The following SELENBP1 variants were observed in gnomAD, a reference collection of about 807,000 sequenced individuals.
SELENBP1 encodes selenium binding protein 1.
In SELENBP1, 71 loss-of-function variants were observed where a neutral mutation model predicts 61.0. The ratio of observed to expected loss-of-function variants is 1.16; its 90% CI spans 0.96 to 1.42. The LOEUF is 1.42. SELENBP1 is among the 40% of genes most tolerant of loss of function. The pLI is 0.00. For missense variants in SELENBP1, 561 were observed against 605.0 expected, an observed-to-expected ratio of 0.93 and a Z score of 0.76; for synonymous variants, 270 against 238.9, an observed-to-expected ratio of 1.13 and a Z score of -1.20.
At chr1:151,369,829 G>T in intron 1 of SELENBP1, 60 bp from the exon 2 acceptor site, 1 of 1,551,638 alleles carries the variant, frequency 6.4e-7, no homozygotes. Context: ...GGCTCCCTCC[G>T]CACGTTCTGC....
chr1:151,371,016 A>G (rs569921341), intron 1 of SELENBP1, among the ~76,000 whole-genome samples: 12 of 152,226 alleles, frequency 7.9e-5, no homozygotes, highest in Non-Finnish European at 1.6e-4. Context: ...AAAGTGGGCA[A>G]TAATGATATT....
chr1:151,368,783 CT>C (rs1651982854), intron 4 of SELENBP1, among the ~76,000 whole-genome samples: 1 of 152,226 alleles, frequency 6.6e-6, no homozygotes, highest in African/African-American at 2.4e-5. Context: ...AACAAGAAGC[CT>C]TGTCCCTCTT....
intron 1 of SELENBP1, 32 bp downstream of exon 1, chr1:151,372,606 G>C (rs771469252): frequency 6.2e-7 from 1 of 1,614,118 alleles, no homozygotes; most frequent in Admixed American, 1.7e-5. Context: ...AGACAGAGCA[G>C]GCAATGGGTG....
At position 151,366,748 on chromosome 1, in the gene SELENBP1, C is replaced by G. The variant is rs149951658; in HGVS notation, c.638G>C (p.Gly213Ala). ...AGCCTCCACATCAGCGGGGTTGAAG[C>G]CATCTCGTAAGACATTGGGAGCTGC... ...EWAAPNVLRD[G>A]FNPADVEAGL... Residue 213 changes from glycine (G) to alanine (A), a missense_variant, in exon 6 of 12, where the codon GGC becomes GCC. Gly to Ala is a moderately conservative substitution (Grantham distance 60, BLOSUM62 0). Transcript: ENST00000368868. 6.2e-7 allele frequency: 1 copy of G among 1,613,960 alleles called. No individual in the cohort carries two copies. The highest frequency in any genetic ancestry group is 1.3e-5 in the African/African-American group (1 of 74,904).
intron 3 of SELENBP1, 125 bp from the exon 4 acceptor site, chr1:151,369,314 C>G (rs1205324101): frequency 7.0e-7 from 1 of 1,436,064 alleles, no homozygotes; most frequent in East Asian, 2.3e-5. Flanking sequence ...CTCCCCTTGT[C>G]CCAGGTTGAG....
intron 4 of SELENBP1, 130 bp from the exon 5 acceptor site, chr1:151,368,449 C>T: frequency 7.8e-7 from 1 of 1,279,820 alleles, no homozygotes; most frequent in Admixed American, 2.4e-5. Context: ...ACAACTCTCC[C>T]TGTGGGAATA....
chr1:151,369,146 T>A lies in SELENBP1; in HGVS notation c.218A>T (p.His73Leu). The A allele has an allele frequency of 6.2e-7, 1 of 1,613,574 alleles. No homozygotes were observed. Residue 73 changes from histidine (H) to leucine (L), a missense_variant, in exon 4 of 12, where the codon CAT becomes CTT. Coordinates refer to ENST00000368868, the MANE Select transcript of SELENBP1 (RefSeq NM_003944.4). ...LPMPNLKDEL[H>L]HSGWNTCSSC... The stretch of plus-strand genomic sequence containing the variant: ...GCTGCAGGTGTTCCATCCTGAGTGA[T>A]GCAGCTCGTCCTTCAGGTTGGGCAT...
At chr1:151,364,759 C>A (rs1470866316) in intron 11 of SELENBP1, 54 bp from the exon 12 acceptor site, 2 of 1,534,786 alleles carry the variant, frequency 1.3e-6, no homozygotes, top group Non-Finnish European at 1.8e-6. Context: ...TGCCCCCTTC[C>A]CCTAAGATTT....
chr1:151,371,760 C>A (rs1001937682), intron 1 of SELENBP1, among the ~76,000 whole-genome samples: 1 of 152,196 alleles, frequency 6.6e-6, no homozygotes, highest in African/African-American at 2.4e-5. Flanking sequence ...CGCTCTGCAG[C>A]CTCGGCCCAC....
chr1:151,367,152 G>C (rs1174001497), intron 5 of SELENBP1: 11 of 836,874 alleles, frequency 1.3e-5, no homozygotes, highest in African/African-American at 1.7e-5. Flanking sequence ...GGATCAGCCT[G>C]GCCAACATGG....
chr1:151,371,275 G>A (rs1001991988), intron 1 of SELENBP1, among the ~76,000 whole-genome samples: 3 of 152,008 alleles, frequency 2.0e-5, no homozygotes, highest in South Asian at 2.1e-4. Context: ...AAAAATACAG[G>A]CATACACCTG....
chr1:151,364,362 C>G lies in SELENBP1; in HGVS notation c.*181G>C. On this transcript the variant is annotated 3_prime_UTR_variant, in exon 12 of 12. Coordinates refer to ENST00000368868, the MANE Select transcript of SELENBP1 (RefSeq NM_003944.4). Reference sequence around the variant, plus strand: ...CCTCCAAGAGCTCATGGAAAAGCAGCACAGTGAGCAACAAGCAACAGTGGT... The same window carrying G: ...CCTCCAAGAGCTCATGGAAAAGCAGGACAGTGAGCAACAAGCAACAGTGGT... 1.4e-6 allele frequency: 1 copy of G among 694,174 alleles called. No individual in the cohort carries two copies. The highest frequency in any genetic ancestry group is 2.4e-6 in the Non-Finnish European group (1 of 412,340). 43.0% of individuals were successfully genotyped at this position (694,174 alleles called of 1,614,324 possible).
In SELENBP1 at chr1:151,364,996, C is replaced by T. The variant is rs1320855586; in HGVS notation, c.1186G>A (p.Gly396Arg). ...GACGTGGTGATGTAGAGGCGCTTCC[C>T]ATCCAGGCTGAGCTGGATCATCTGA... The part of the protein sequence containing the change: ...GPQMIQLSLD[G>R]KRLYITTSLY... The change falls in exon 11 of 12, where the codon GGG becomes AGG. Residue 396 changes from glycine to arginine, a missense_variant. By Grantham distance (125) the Gly-to-Arg change is moderately radical. Transcript: ENST00000368868. The T allele has an allele frequency of 1.2e-6, 2 of 1,613,084 alleles. No homozygotes were observed. The highest frequency in any genetic ancestry group is 1.1e-5 in the South Asian group (1 of 90,724).
At chr1:151,367,077 T>C (rs1651869450) in intron 5 of SELENBP1, 173 bp from the exon 6 acceptor site, 2 of 1,414,600 alleles carry the variant, frequency 1.4e-6, no homozygotes, top group Non-Finnish European at 1.8e-6. Context: ...GAAGAGTGGC[T>C]CATGCCAGTA....
intron 1 of SELENBP1, among the ~76,000 whole-genome samples, chr1:151,372,435 C>G (rs1038934683): frequency 6.6e-6 from 1 of 151,868 alleles, no homozygotes; most frequent in Non-Finnish European, 1.5e-5. Context: ...TGCCTCTGCC[C>G]GTCTTCCTCA....
At chr1:151,366,132 C>T (rs1405742010) in intron 7 of SELENBP1, 143 bp downstream of exon 7, 2 of 1,036,726 alleles carry the variant, frequency 1.9e-6, no homozygotes, top group East Asian at 4.8e-5. Context: ...AGAAGTTGCC[C>T]TAGCACTGAG....
chr1:151,366,435 A>C lies in SELENBP1; in HGVS notation c.683T>G (p.Leu228Ter). ...ATGGCGCTGCCAGTCCCATACATAT[A>C]AGTGGCTCCCGTACAGTCCTGGGGT... ...DVEAGLYGSHLYVWDWQRHEI... is the reference protein window; with the variant it reads ...DVEAGLYGSH Residue 228 changes from leucine to a stop codon, truncating the protein, a stop_gained, in exon 7 of 12, where the codon TTA becomes TGA. Coordinates refer to ENST00000368868, the MANE Select transcript of SELENBP1 (RefSeq NM_003944.4). LOFTEE classifies it high-confidence loss of function. The C allele has an allele frequency of 6.2e-7, 1 of 1,613,880 alleles. No individual in the cohort carries two copies. The highest frequency in any genetic ancestry group is 8.5e-7 in the Non-Finnish European group (1 of 1,180,016).
intron 4 of SELENBP1, among the ~76,000 whole-genome samples, chr1:151,368,801 T>C (rs1651983973): frequency 6.6e-6 from 1 of 152,212 alleles, no homozygotes; most frequent in African/African-American, 2.4e-5. Context: ...TCTTCTCCCA[T>C]GCCCTGGTCA....
chr1:151,365,934 G>A, intron 7 of SELENBP1, 88 bp from the exon 8 acceptor site: 1 of 1,389,710 alleles, frequency 7.2e-7, no homozygotes, highest in Non-Finnish European at 1.0e-6. Flanking sequence ...GGGTTGCCCA[G>A]ACCTGGGAGG....
Sources: allele counts gnomAD v4.1 joint callset (sites outside exome capture counted in the v4.1 genomes callset), GRCh38; gene constraint gnomAD v4.1.1; transcripts MANE v1.5; gene names NCBI Gene and HGNC (gene_info 2026-07-23, HGNC 2026-07-21).